Variants in SHROOM2 observed in about 807,000 individuals in gnomAD.
SHROOM2 encodes the protein protein Shroom2.
SHROOM2 carries 33 observed loss-of-function variants against 75.9 expected under a neutral mutation model. The ratio of observed to expected loss-of-function variants is 0.43; its 90% CI spans 0.33 to 0.58. The LOEUF is 0.58. Ranked by LOEUF, SHROOM2 falls within the 20% of genes least tolerant of loss-of-function variation. The pLI, the probability that SHROOM2 is intolerant of heterozygous loss-of-function variation, is 0.04. For synonymous variants in SHROOM2, 655 were observed against 663.6 expected (o/e 0.99, Z 0.20); for missense variants, 1,434 against 1,461.2 (o/e 0.98, Z 0.30).
intron 8 of SHROOM2, among the ~76,000 whole-genome samples, chrX:9,941,180 C>T (rs2084765416): frequency 8.9e-6 from 1 of 112,180 alleles, no homozygotes; most frequent in South Asian, 3.7e-4. Flanking sequence ...ACAGAATAGA[C>T]CTTGTTTCCC....
At chrX:9,921,466 T>TG (rs774031900) in intron 5 of SHROOM2, among the ~76,000 whole-genome samples, 81 of 110,919 alleles carry the variant, frequency 7.3e-4, no homozygotes, top group African/African-American at 2.6e-3. Flanking sequence ...CCTCTTTTTT[T>TG]TTGTTGTCAT....
intron 1 of SHROOM2, among the ~76,000 whole-genome samples, chrX:9,870,887 G>A (rs1458546512): frequency 1.8e-5 from 2 of 112,482 alleles, no homozygotes; most frequent in Admixed American, 9.4e-5. Context: ...TGCATGGCAG[G>A]TAAGCTATGT....
At chrX:9,801,306 T>C (rs2146730688) in intron 1 of SHROOM2, among the ~76,000 whole-genome samples, 1 of 112,327 alleles carries the variant, frequency 8.9e-6, no homozygotes, top group Admixed American at 9.4e-5. Flanking sequence ...ATGGGAGCTA[T>C]AATTGAAGAT....
At chrX:9,807,335 A>C (rs890047529) in intron 1 of SHROOM2, among the ~76,000 whole-genome samples, 4 of 112,188 alleles carry the variant, frequency 3.6e-5, no homozygotes, top group Non-Finnish European at 7.5e-5. Flanking sequence ...GCTTTGTTTC[A>C]GGCGTGCGAG....
intron 2 of SHROOM2, among the ~76,000 whole-genome samples, chrX:9,879,120 G>A (rs192603879): frequency 0.011 from 1,193 of 111,223 alleles, 23 homozygotes; most frequent in African/African-American, 0.037. Flanking sequence ...GGAGTGCGGT[G>A]GCTACTGACA....
intron 1 of SHROOM2, among the ~76,000 whole-genome samples, chrX:9,794,348 GTCTTC>G (rs60316813): frequency 0.12 from 13,645 of 110,334 alleles, 772 homozygotes; most frequent in Non-Finnish European, 0.16. Flanking sequence ...TAATAAATTA[GTCTTC>G]TCTTCTCTTC....
chrX:9,944,532 A>G, intron 8 of SHROOM2, 109 bp from the exon 9 acceptor site: 1 of 796,516 alleles, frequency 1.3e-6, no homozygotes, highest in Non-Finnish European at 1.8e-6. Context: ...CACGCAGGTC[A>G]GCTGCACCTT....
rs777425663 is a variant in SHROOM2, at chrX:9,932,597, A to G, written c.3314A>G (p.Tyr1105Cys). The G allele has an allele frequency of 9.1e-6, 11 of 1,211,315 alleles. No individual in the cohort carries two copies. Among genetic ancestry groups the G allele is most frequent in the Admixed American group, 6.5e-5 (3 of 46,082 alleles). Residue 1105 changes from tyrosine (Y) to cysteine (C), a missense_variant, in exon 6 of 10, where the codon TAT becomes TGT. By Grantham distance (194) the Tyr-to-Cys change is radical. Transcript: ENST00000380913. ...CCATCCCCTGCGTCCCTGGATGTGT[A>G]TGTGGCCCGCCTGTCCCTCTCCCAC... is the stretch of plus-strand genomic sequence containing the variant. Reference protein sequence around the residue: ...PTPSPASLDVYVARLSLSHSP... With the variant: ...PTPSPASLDVCVARLSLSHSP...
chrX:9,871,054 G>A (rs768062738), intron 1 of SHROOM2, among the ~76,000 whole-genome samples: 24 of 111,452 alleles, frequency 2.2e-4, no homozygotes, highest in Non-Finnish European at 3.0e-4. Context: ...CTAAAGACCC[G>A]AAGGCTCCAA....
intron 5 of SHROOM2, among the ~76,000 whole-genome samples, chrX:9,900,754 G>A (rs769810116): frequency 3.0e-4 from 33 of 110,937 alleles, no homozygotes; most frequent in African/African-American, 9.8e-4. Flanking sequence ...AACAGGTGGC[G>A]TTTGAGCTAA....
chrX:9,842,767 G>A (rs958425647), intron 1 of SHROOM2, among the ~76,000 whole-genome samples: 3 of 111,996 alleles, frequency 2.7e-5, no homozygotes, highest in African/African-American at 6.5e-5. Context: ...GAGGCGGGAG[G>A]GCAGGAGTCC....
intron 1 of SHROOM2, among the ~76,000 whole-genome samples, chrX:9,803,231 C>T (rs2083734000): frequency 9.1e-6 from 1 of 109,747 alleles, no homozygotes; most frequent in African/African-American, 3.3e-5. Context: ...GGAGCCACCA[C>T]CCCTGGTAGC....
intron 1 of SHROOM2, among the ~76,000 whole-genome samples, chrX:9,862,551 A>G (rs2084110466): frequency 8.9e-6 from 1 of 111,758 alleles, no homozygotes; most frequent in African/African-American, 3.3e-5. Context: ...GCTGCCCGCC[A>G]GAGCACCAGT....
chrX:9,787,124 A>G (rs2083619032), intron 1 of SHROOM2, among the ~76,000 whole-genome samples: 1 of 111,417 alleles, frequency 9.0e-6, no homozygotes, highest in Admixed American at 9.4e-5. Context: ...CGTGCCTGTG[A>G]TCACTACGAA....
At chrX:9,922,856 A>C (rs1410327244) in intron 5 of SHROOM2, among the ~76,000 whole-genome samples, 1 of 111,210 alleles carries the variant, frequency 9.0e-6, no homozygotes, top group Non-Finnish European at 1.9e-5. Flanking sequence ...ACTTTCTGGA[A>C]TTGAGTTCAT....
chrX:9,923,278 G>C (rs1255419146), intron 5 of SHROOM2, among the ~76,000 whole-genome samples: 1 of 111,020 alleles, frequency 9.0e-6, no homozygotes, highest in African/African-American at 3.3e-5. Context: ...TTTCTGGCTG[G>C]AGGAATGTGG....
At chrX:9,923,536 T>G (rs2084567099) in intron 5 of SHROOM2, among the ~76,000 whole-genome samples, 1 of 112,240 alleles carries the variant, frequency 8.9e-6, no homozygotes. Context: ...CTGGAGGGCT[T>G]TCCCTGAAAC....
intron 9 of SHROOM2, 107 bp downstream of exon 9, chrX:9,945,020 T>A: frequency 1.2e-6 from 1 of 837,822 alleles, no homozygotes; most frequent in East Asian, 3.4e-5. Flanking sequence ...AGCTTCCACA[T>A]GGCCTGTCCA....
At chrX:9,818,323 C>T in intron 1 of SHROOM2, 1 of 234,212 alleles carries the variant, frequency 4.3e-6, no homozygotes, top group Non-Finnish European at 8.6e-6. Flanking sequence ...TCTAATACAC[C>T]ACCTCAATGT....
Sources: gnomAD v4.1 joint callset for allele counts (sites outside exome capture counted in the v4.1 genomes callset) on GRCh38, gnomAD v4.1.1 for gene constraint, MANE v1.5 for transcripts, NCBI Gene and HGNC (gene_info 2026-07-23, HGNC 2026-07-21) for gene names.